TCERG1L: variants seen among roughly 807,000 people sequenced by gnomAD.
TCERG1L encodes transcription elongation regulator 1-like protein.
TCERG1L carries 37 observed loss-of-function variants against 56.3 expected under a neutral mutation model. The ratio of observed to expected loss-of-function variants is 0.66; its 90% CI spans 0.51 to 0.87. TCERG1L has a LOEUF of 0.87. Ranked by LOEUF, TCERG1L falls within the 40% of genes least tolerant of loss-of-function variation. TCERG1L has a pLI of 0.00. For synonymous variants in TCERG1L, 324 were observed against 326.3 expected, an observed-to-expected ratio of 0.99 and a Z score of 0.08; for missense variants, 799 against 774.2, an observed-to-expected ratio of 1.03 and a Z score of -0.38.
intron 3 of TCERG1L, among the ~76,000 whole-genome samples, chr10:131,272,847 G>A (rs1306376197): frequency 2.0e-5 from 3 of 152,344 alleles, no homozygotes; most frequent in South Asian, 2.1e-4. Flanking sequence ...GGGACCTAGA[G>A]GTCACAGAGG....
chr10:131,135,646 G>A (rs1355346894), intron 7 of TCERG1L, among the ~76,000 whole-genome samples: 3 of 152,192 alleles, frequency 2.0e-5, no homozygotes, highest in African/African-American at 4.8e-5. Flanking sequence ...TCATCCTTGT[G>A]GGGCCTCCGC....
intron 7 of TCERG1L, among the ~76,000 whole-genome samples, chr10:131,140,943 G>A (rs1652162900): frequency 6.6e-6 from 1 of 152,194 alleles, no homozygotes; most frequent in Non-Finnish European, 1.5e-5. Context: ...GTCCAGCCAG[G>A]TGCTCACAGA....
intron 4 of TCERG1L, among the ~76,000 whole-genome samples, chr10:131,222,468 A>C (rs1369314995): frequency 6.6e-6 from 1 of 152,242 alleles, no homozygotes; most frequent in Admixed American, 6.5e-5. Flanking sequence ...TGTGAAACTC[A>C]ATGAAATTTC....
intron 4 of TCERG1L, among the ~76,000 whole-genome samples, chr10:131,242,393 G>T (rs1243487923): frequency 6.6e-6 from 1 of 152,152 alleles, no homozygotes; most frequent in African/African-American, 2.4e-5. Flanking sequence ...CTGGCTGGAC[G>T]AACAGGCAGA....
chr10:131,162,001 C>A (rs1845981748), intron 6 of TCERG1L: 1 of 152,208 alleles, frequency 6.6e-6, no homozygotes, highest in Non-Finnish European at 1.5e-5. Flanking sequence ...TAGCAAATCA[C>A]CACTGAAGTG....
chr10:131,139,790 T>C (rs79940169), intron 7 of TCERG1L, among the ~76,000 whole-genome samples: 6,884 of 138,468 alleles, frequency 0.05, 295 homozygotes, highest in African/African-American at 0.1. Context: ...CTGTGTGTGC[T>C]TGTGTGTCTG....
intron 4 of TCERG1L, among the ~76,000 whole-genome samples, chr10:131,232,983 T>G (rs1845868565): frequency 6.6e-6 from 1 of 152,246 alleles, no homozygotes. Flanking sequence ...ATTGGAGATG[T>G]AAGTGGCTGC....
chr10:131,176,111 T>C (rs1846144846), intron 4 of TCERG1L, among the ~76,000 whole-genome samples: 1 of 152,140 alleles, frequency 6.6e-6, no homozygotes, highest in Admixed American at 6.5e-5. Context: ...CAGCAGTGGG[T>C]GTCCCTCCAA....
chr10:131,147,574 T>C (rs1450431582), intron 6 of TCERG1L, among the ~76,000 whole-genome samples: 1 of 152,238 alleles, frequency 6.6e-6, no homozygotes, highest in African/African-American at 2.4e-5. Flanking sequence ...CGAGGCCCGT[T>C]CCAGGTGTGG....
At chr10:131,306,614 C>T (rs537428342) in intron 3 of TCERG1L, among the ~76,000 whole-genome samples, 38 of 152,232 alleles carry the variant, frequency 2.5e-4, no homozygotes, top group African/African-American at 8.7e-4. Context: ...GTCAAAACAT[C>T]TCACGTACCC....
At chr10:131,109,110 C>T (rs1845384866) in intron 9 of TCERG1L, among the ~76,000 whole-genome samples, 1 of 152,132 alleles carries the variant, frequency 6.6e-6, no homozygotes, top group African/African-American at 2.4e-5. Flanking sequence ...ACCCCATCTG[C>T]CCAGCACGTC....
chr10:131,182,889 A>G (rs1171164783), intron 4 of TCERG1L, among the ~76,000 whole-genome samples: 1 of 152,214 alleles, frequency 6.6e-6, no homozygotes, highest in Non-Finnish European at 1.5e-5. Context: ...TATTCCAGTC[A>G]TTTGATACAA....
intron 11 of TCERG1L, among the ~76,000 whole-genome samples, chr10:131,097,587 T>G (rs1376651872): frequency 6.6e-6 from 1 of 152,206 alleles, no homozygotes; most frequent in African/African-American, 2.4e-5. Flanking sequence ...GACCTCGTGA[T>G]CCACCTGCCT....
chr10:131,275,266 C>T (rs753609096), intron 3 of TCERG1L, among the ~76,000 whole-genome samples: 1 of 152,218 alleles, frequency 6.6e-6, no homozygotes, highest in Non-Finnish European at 1.5e-5. Context: ...CAGCCCTGCT[C>T]TCCACACACT....
chr10:131,236,378 C>G (rs1845912771), intron 4 of TCERG1L, among the ~76,000 whole-genome samples: 1 of 152,212 alleles, frequency 6.6e-6, no homozygotes, highest in African/African-American at 2.4e-5. Flanking sequence ...CAGCCTCAGA[C>G]AGGCAATGGA....
At chr10:131,202,236 C>G (rs1845445992) in intron 4 of TCERG1L, among the ~76,000 whole-genome samples, 1 of 152,180 alleles carries the variant, frequency 6.6e-6, no homozygotes, top group Non-Finnish European at 1.5e-5. Context: ...GCCCCCAAAG[C>G]AAGTAGGTAT....
intron 3 of TCERG1L, among the ~76,000 whole-genome samples, chr10:131,293,610 C>T (rs1846657500): frequency 6.6e-6 from 1 of 152,096 alleles, no homozygotes; most frequent in African/African-American, 2.4e-5. Context: ...ACACAGAAAC[C>T]TCCCAAGCTT....
chr10:131,197,509 C>T (rs923324104), intron 4 of TCERG1L, among the ~76,000 whole-genome samples: 5 of 151,532 alleles, frequency 3.3e-5, no homozygotes, highest in African/African-American at 4.9e-5. Flanking sequence ...TTTTTTCTGA[C>T]GCAAACTTCA....
At chr10:131,283,315 C>T (rs931580716) in intron 3 of TCERG1L, among the ~76,000 whole-genome samples, 8 of 152,148 alleles carry the variant, frequency 5.3e-5, no homozygotes, top group South Asian at 2.1e-4. Context: ...GGAAGCTGAG[C>T]GCAGGATTTT....
Sources: gnomAD v4.1 joint callset for allele counts (sites outside exome capture counted in the v4.1 genomes callset) on GRCh38, gnomAD v4.1.1 for gene constraint, MANE v1.5 for transcripts, NCBI Gene and HGNC (gene_info 2026-07-23, HGNC 2026-07-21) for gene names.